The following FBH1 variants were observed in gnomAD, a reference collection of about 807,000 sequenced individuals.
FBH1 encodes DNA 3'-5' helicase 1.
In FBH1, 43 loss-of-function variants were observed where a neutral mutation model predicts 115.5. The ratio of observed to expected loss-of-function variants is 0.37; its 90% CI spans 0.29 to 0.48. FBH1 has a LOEUF of 0.48. Among genes scored for constraint, FBH1 ranks in the 20% least tolerant of loss-of-function variants. The pLI is 0.99. For synonymous variants in FBH1, 524 were observed against 507.8 expected (o/e 1.03, Z -0.43); for missense variants, 1,001 against 1,337.3 (o/e 0.75, Z 3.92).
intron 1 of FBH1, among the ~76,000 whole-genome samples, chr10:5,901,335 T>A (rs900236776): frequency 6.6e-6 from 1 of 151,970 alleles, no homozygotes; most frequent in Admixed American, 6.5e-5. Flanking sequence ...TTTTTCTATT[T>A]TTAATAGAGA....
At position 5,908,929 on chromosome 10, in the gene FBH1, T is replaced by C; in HGVS notation, c.758T>C (p.Ile253Thr). 1 of 1,614,106 alleles carries C rather than the reference T, an allele frequency of 6.2e-7. No individual in the cohort carries two copies. The highest frequency in any genetic ancestry group is 8.5e-7 in the Non-Finnish European group (1 of 1,180,040). ...GTTTGTTTTTTAACTGCATAGTTCATTCCTTGGAAGAAGCTGTACCATCGA... is the reference window on the plus strand; with the variant it reads ...GTTTGTTTTTTAACTGCATAGTTCACTCCTTGGAAGAAGCTGTACCATCGA... ...WREIISDPLF[I>T]PWKKLYHRYL... is the part of the protein sequence containing the mutation. Residue 253 changes from isoleucine (I) to threonine (T), a missense_variant, in exon 4 of 21, where the codon ATT becomes ACT. Transcript: ENST00000362091.
At chr10:5,922,880 C>T (rs964183942) in intron 15 of FBH1, among the ~76,000 whole-genome samples, 8 of 152,076 alleles carry the variant, frequency 5.3e-5, no homozygotes, top group African/African-American at 1.9e-4. Flanking sequence ...GACCTAGAGA[C>T]GTTCTGTAAT....
chr10:5,901,983 A>G (rs1197073939), intron 1 of FBH1, among the ~76,000 whole-genome samples: 1 of 152,260 alleles, frequency 6.6e-6, no homozygotes, highest in Non-Finnish European at 1.5e-5. Context: ...TTACACATGG[A>G]TAAGAATTAC....
intron 19 of FBH1, chr10:5,929,554 G>A (rs545695868): frequency 1.3e-5 from 2 of 152,284 alleles, no homozygotes; most frequent in South Asian, 2.1e-4. Flanking sequence ...CACATGGATC[G>A]TCTGTAGACT....
At position 5,916,179 on chromosome 10, in the gene FBH1, C is replaced by T. The variant is rs2132006916; in HGVS notation, c.1566-55C>T. The T allele has an allele frequency of 4.7e-6, 7 of 1,480,910 alleles. No individual in the cohort carries two copies. In the East Asian group the frequency reaches 9.1e-5, roughly 19 times the overall value. 91.7% of individuals were successfully genotyped at this position (1,480,910 alleles called of 1,614,324 possible). A position where few individuals can be genotyped will look rare whatever the true frequency, so the allele number is the denominator to read the frequency against. ...CATTAGAGAGAATGGAGGGGACGTT[C>T]AATAGCACCAAGCCAGGAGAGCCAC... is the stretch of plus-strand genomic sequence containing the variant. On this transcript the variant is annotated intron_variant, in intron 9 of 20. Transcript: ENST00000362091.
At position 5,903,422 on chromosome 10, in the gene FBH1, T is replaced by C. The variant is rs1843488720; in HGVS notation, c.157+247T>C. 2.0e-5 allele frequency among the ~76,000 whole-genome samples: 3 copies of C among 151,702 alleles called. No individual in the cohort carries two copies. The South Asian group carries it at 6.3e-4, about 32-fold the overall frequency. On this transcript the variant is annotated intron_variant, in intron 2 of 20. Coordinates refer to ENST00000362091, the MANE Select transcript of FBH1 (RefSeq NM_178150.3). ...CTCGGCTCACTGCAACCTCTGCCTT[T>C]TGGGTTCAAGTGATTCTCCTGCCTC...
At position 5,924,128 on chromosome 10, in the gene FBH1, T is replaced by A; in HGVS notation, c.2399-183T>A. The A allele has an allele frequency of 1.6e-6, 1 of 615,874 alleles. No homozygotes were observed. The highest frequency in any genetic ancestry group is 2.9e-6 in the Non-Finnish European group (1 of 349,368). 38.2% of individuals were successfully genotyped at this position (615,874 alleles called of 1,614,324 possible). On this transcript the variant is annotated intron_variant, in intron 16 of 20. Transcript: ENST00000362091. The surrounding 1 kb of genome is among the most constrained non-coding windows in gnomAD (Gnocchi z 6.2). ...GCTCCTCAGTCGGAGACGGAGAGGC[T>A]ACTGCACTGCACTGACTTGCCCAGG...
chr10:5,903,959 A>T (rs1843534794), intron 2 of FBH1, among the ~76,000 whole-genome samples: 1 of 152,158 alleles, frequency 6.6e-6, no homozygotes, highest in Admixed American at 6.5e-5. Flanking sequence ...TGTCCCCACT[A>T]TGTACCAAAT....
At position 5,918,475 on chromosome 10, in the gene FBH1, G is replaced by T; in HGVS notation, c.2097G>T (p.Thr699=). 1 of 1,597,128 alleles carries T rather than the reference G, an allele frequency of 6.3e-7. No homozygotes were observed. Among genetic ancestry groups the T allele is most frequent in the East Asian group, 2.3e-5 (1 of 44,434 alleles). ...TVPHTHVFYL[T]QSFRFGVEIA... is the part of the protein sequence containing the mutation. ...CCCACACCCACGTCTTCTATCTCAC[G>T]CAGGTAAGTGCGCACTCTGCATGGG... is the stretch of plus-strand genomic sequence containing the variant. Residue 699 remains threonine (T), a synonymous_variant, in exon 13 of 21, where the codon ACG becomes ACT. Coordinates refer to ENST00000362091, the MANE Select transcript of FBH1 (RefSeq NM_178150.3). This position sits in a 1 kb window ranked among gnomAD's most constrained non-coding sequence, Gnocchi z 4.0.
chr10:5,900,330 G>A lies in FBH1; in HGVS notation c.2-2690G>A, dbSNP rs1383638106. 6.6e-6 allele frequency among the ~76,000 whole-genome samples: 1 copy of A among 152,224 alleles called. No homozygotes were observed. Among genetic ancestry groups the A allele is most frequent in the Non-Finnish European group, 1.5e-5 (1 of 68,044 alleles). On this transcript the variant is annotated intron_variant, in intron 1 of 20. Transcript: ENST00000362091. This position sits in a 1 kb window ranked among gnomAD's most constrained non-coding sequence, Gnocchi z 4.2. ...ACACTTATCAGACTTAGATGAGATT[G>A]GGCGCGTTCAGGGTGGTATGGCCGT...
chr10:5,923,686 A>C lies in FBH1; in HGVS notation c.2388A>C (p.Glu796Asp), dbSNP rs1255601396. ...DIWILLQPEE[E>D]RRKQNLVIKD... Reference sequence around the variant, plus strand: ...GGATCCTTCTTCAGCCAGAGGAAGAACGGAGGAAACGTGAGTACCCACCTG... The same window carrying C: ...GGATCCTTCTTCAGCCAGAGGAAGACCGGAGGAAACGTGAGTACCCACCTG... The change falls in exon 16 of 21, where the codon GAA becomes GAC. Residue 796 changes from glutamate (E) to aspartate (D), a missense_variant. By Grantham distance (45) the Glu-to-Asp change is conservative. Around this residue, in one of 4 missense-constraint regions of FBH1, gnomAD observed 521 missense variants for 811.0 expected, o/e 0.64. Transcript: ENST00000362091. This position sits in a 1 kb window ranked among gnomAD's most constrained non-coding sequence, Gnocchi z 5.7. The C allele has an allele frequency of 6.2e-7, 1 of 1,614,152 alleles. No homozygotes were observed. The highest frequency in any genetic ancestry group is 1.7e-5 in the Admixed American group (1 of 60,016).
In FBH1 at chr10:5,923,770, G is replaced by C; in HGVS notation, c.2398+74G>C. The C allele has an allele frequency of 1.4e-6, 2 of 1,383,416 alleles. No homozygotes were observed. Among genetic ancestry groups the C allele is most frequent in the Non-Finnish European group, 2.0e-6 (2 of 981,996 alleles). 85.7% of individuals were successfully genotyped at this position (1,383,416 alleles called of 1,614,324 possible). On this transcript the variant is annotated intron_variant, in intron 16 of 20. Transcript: ENST00000362091. The surrounding 1 kb of genome is among the most constrained non-coding windows in gnomAD (Gnocchi z 5.7). ...CAGGGACGAGAAAGAAGCAGGCCCAGTCTGAGTCAGGGACCCGTTTCCCTC... is the reference window on the plus strand; with the variant it reads ...CAGGGACGAGAAAGAAGCAGGCCCACTCTGAGTCAGGGACCCGTTTCCCTC...
chr10:5,903,836 G>A (rs76446504), intron 2 of FBH1, among the ~76,000 whole-genome samples: 7,216 of 152,170 alleles, frequency 0.047, 242 homozygotes, highest in East Asian at 0.15. Flanking sequence ...ATGTGTCATT[G>A]TTTTTCCTCC....
In FBH1 at chr10:5,925,197, G is replaced by C; in HGVS notation, c.2597-170G>C. ...TCGTCTTTTTCTTTTTTCTGTTCCC[G>C]ACAGTTGTCTGTTCCCGACAGTTGT... On this transcript the variant is annotated intron_variant, in intron 17 of 20. Transcript: ENST00000362091. The surrounding 1 kb of genome is among the most constrained non-coding windows in gnomAD (Gnocchi z 4.6). 1 of 772,790 alleles carries C rather than the reference G, an allele frequency of 1.3e-6. No homozygotes were observed. Among genetic ancestry groups the C allele is most frequent in the Non-Finnish European group, 2.0e-6 (1 of 498,726 alleles). The allele number at this position is 772,790 out of a possible 1,614,324, so 47.9% of individuals were successfully genotyped here.
intron 1 of FBH1, chr10:5,891,247 A>ACTCAATCTG: frequency 1.1e-6 from 1 of 889,128 alleles, no homozygotes; most frequent in Non-Finnish European, 1.3e-6. Context: ...AGTCCGTTTT[A>ACTCAATCTG]CTCATGAGCA....
chr10:5,913,065 C>T lies in FBH1; in HGVS notation c.1212-682C>T, dbSNP rs967332701. On this transcript the variant is annotated intron_variant, in intron 6 of 20. Transcript: ENST00000362091. This position sits in a 1 kb window ranked among gnomAD's most constrained non-coding sequence, Gnocchi z 4.4. ...CGAGTCCAAGCTCACCCCCGGTCTC[C>T]CCCACAGTCCAGGGGAGACTTGGAG... 6.6e-6 allele frequency among the ~76,000 whole-genome samples: 1 copy of T among 152,082 alleles called. No homozygotes were observed. Among genetic ancestry groups the T allele is most frequent in the African/African-American group, 2.4e-5 (1 of 41,408 alleles).
Position 5,918,215 on chromosome 10 carries a change from C to T in FBH1, c.1964-127C>T. The T allele has an allele frequency of 8.9e-7, 1 of 1,121,264 alleles. No homozygotes were observed. 69.5% of individuals were successfully genotyped at this position (1,121,264 alleles called of 1,614,324 possible). On this transcript the variant is annotated intron_variant, in intron 12 of 20. Coordinates refer to ENST00000362091, the MANE Select transcript of FBH1 (RefSeq NM_178150.3). This position sits in a 1 kb window ranked among gnomAD's most constrained non-coding sequence, Gnocchi z 4.0. ...CTTTTGATGGAGTGTGCCTGTCCTA[C>T]AGGAAAAGGCGACCGTGAGGTCCAG...
At chr10:5,889,670 TG>T, upstream of FBH1, 1 of 178,974 alleles carries the variant, frequency 5.6e-6, no homozygotes, top group Non-Finnish European at 1.2e-5. Context: ...CGGAGGGGCC[TG>T]GGGATCCGAG....
At position 5,914,173 on chromosome 10, in the gene FBH1, T is replaced by G. The variant is rs1831783181; in HGVS notation, c.1305-5T>G. The G allele has an allele frequency of 1.2e-6, 2 of 1,613,568 alleles. No individual in the cohort carries two copies. The highest frequency in any genetic ancestry group is 1.7e-6 in the Non-Finnish European group (2 of 1,179,428). On this transcript the variant is annotated splice_polypyrimidine_tract_variant and splice_region_variant and intron_variant, in intron 7 of 20. Transcript: ENST00000362091. The surrounding 1 kb of genome is among the most constrained non-coding windows in gnomAD (Gnocchi z 5.2). ...TTTCTTACTTCTCTTTTGTAATGATTATAGCAAGAAAACCATCCAACTTAC... is the reference window on the plus strand; with the variant it reads ...TTTCTTACTTCTCTTTTGTAATGATGATAGCAAGAAAACCATCCAACTTAC...
Sources: gnomAD v4.1 joint callset for allele counts (sites outside exome capture counted in the v4.1 genomes callset) on GRCh38, gnomAD v4.1.1 for gene constraint, gnomAD v4.1.1 regional missense constraint, Gnocchi (gnomAD v3.1) non-coding constraint, MANE v1.5 for transcripts, NCBI Gene and HGNC (gene_info 2026-07-23, HGNC 2026-07-21) for gene names.